ZMIZ1: variants seen among roughly 807,000 people sequenced by gnomAD.
The protein encoded by ZMIZ1 is zinc finger MIZ domain-containing protein 1.
A neutral mutation model predicts 113.9 loss-of-function variants in ZMIZ1; 17 were observed. The observed-to-expected ratio is 0.15, with a 90% CI of 0.10 to 0.22. The LOEUF (loss-of-function observed/expected upper bound fraction) is 0.22, where lower values mean the gene tolerates loss of function less well. Among genes scored for constraint, ZMIZ1 ranks in the 10% least tolerant of loss-of-function variants. ZMIZ1 has a pLI of 1.00. For missense variants in ZMIZ1, 1,059 were observed against 1,477.8 expected (o/e 0.72, Z 4.65); for synonymous variants, 607 against 603.1 (o/e 1.01, Z -0.09).
At position 79,118,647 on chromosome 10, in the gene ZMIZ1, A is replaced by G. The variant is rs1369889222; in HGVS notation, c.-336-268A>G. Among the ~76,000 whole-genome samples, 1 of 152,218 alleles carries G rather than the reference A, an allele frequency of 6.6e-6. No homozygotes were observed. Among genetic ancestry groups the G allele is most frequent in the Non-Finnish European group, 1.5e-5 (1 of 68,032 alleles). Reference sequence around the variant, plus strand: ...GGCTGACTGGAGCCTAGTGGTGGGCAGGCAGGTTTGGCTGCTGCTGTGGTC... The same window carrying G: ...GGCTGACTGGAGCCTAGTGGTGGGCGGGCAGGTTTGGCTGCTGCTGTGGTC... On this transcript the variant is annotated intron_variant, in intron 1 of 24. Coordinates refer to ENST00000334512, the MANE Select transcript of ZMIZ1 (RefSeq NM_020338.4). This position sits in a 1 kb window ranked among gnomAD's most constrained non-coding sequence, Gnocchi z 4.1.
At chr10:79,131,035 G>C (rs1435785552) in intron 2 of ZMIZ1, among the ~76,000 whole-genome samples, 2 of 152,206 alleles carry the variant, frequency 1.3e-5, no homozygotes. Flanking sequence ...GCCTGCCCTA[G>C]CCTTGCATTC....
In ZMIZ1 at chr10:79,250,792, C is replaced by T. The variant is rs116893379; in HGVS notation, c.281-26389C>T. 1.4e-3 allele frequency among the ~76,000 whole-genome samples: 210 copies of T among 152,238 alleles called. 3 individuals carry two copies. The East Asian group carries it at 0.037, about 27-fold the overall frequency. ...AGTCCAGCCTTGGCTTTCAGGTGCC[C>T]AAAGGGTGCCTGGAGAACCCCTCGC... On this transcript the variant is annotated intron_variant, in intron 7 of 24. Transcript: ENST00000334512.
At chr10:79,178,723 C>G (rs951633075) in intron 4 of ZMIZ1, among the ~76,000 whole-genome samples, 1 of 152,224 alleles carries the variant, frequency 6.6e-6, no homozygotes. Context: ...CCCTCCTGCT[C>G]TAATCTGTCA....
intron 4 of ZMIZ1, among the ~76,000 whole-genome samples, chr10:79,187,516 C>A (rs1309288793): frequency 6.6e-6 from 1 of 152,178 alleles, no homozygotes; most frequent in Admixed American, 6.5e-5. Context: ...ATGATGTATG[C>A]AAAGGGGCCT....
chr10:79,238,736 T>G (rs1459307481), intron 7 of ZMIZ1, among the ~76,000 whole-genome samples: 1 of 152,192 alleles, frequency 6.6e-6, no homozygotes, highest in Non-Finnish European at 1.5e-5. Context: ...GCCAAGTCAT[T>G]TAAACCCTTG....
chr10:79,239,072 T>A (rs1849706564), intron 7 of ZMIZ1, among the ~76,000 whole-genome samples: 2 of 151,874 alleles, frequency 1.3e-5, no homozygotes, highest in Non-Finnish European at 1.5e-5. Context: ...CCTGAGGAGG[T>A]TGACCAGGAT....
chr10:79,306,343 A>T lies in ZMIZ1; in HGVS notation c.2667A>T (p.Gln889His). The T allele has an allele frequency of 6.2e-7, 1 of 1,608,668 alleles. No homozygotes were observed. The highest frequency in any genetic ancestry group is 8.5e-7 in the Non-Finnish European group (1 of 1,179,760). Reference protein sequence around the residue: ...GGTNSNDYSSQGNNYQGHGNF... With the variant: ...GGTNSNDYSSHGNNYQGHGNF... ...CCAACTCCAACGACTACAGCAGCCAAGGTGGGTGATGCCAGGCAGGGAGGA... is the reference window on the plus strand; with the variant it reads ...CCAACTCCAACGACTACAGCAGCCATGGTGGGTGATGCCAGGCAGGGAGGA... The change falls in exon 22 of 25, where the codon CAA becomes CAT. Residue 889 changes from glutamine (Q) to histidine (H), a missense_variant and splice_region_variant. By Grantham distance (24) the Gln-to-His change is conservative. This residue lies in a region of ZMIZ1 where 225 missense variants were observed against 276.0 expected (regional missense o/e 0.82). Coordinates refer to ENST00000334512, the MANE Select transcript of ZMIZ1 (RefSeq NM_020338.4).
At chr10:79,071,137 G>A (rs917385198) in intron 1 of ZMIZ1, among the ~76,000 whole-genome samples, 1 of 152,202 alleles carries the variant, frequency 6.6e-6, no homozygotes, top group Non-Finnish European at 1.5e-5. Flanking sequence ...GGCAGTGGGC[G>A]GCCGCCTGTG....
At chr10:79,109,763 CT>C (rs1185388132) in intron 1 of ZMIZ1, among the ~76,000 whole-genome samples, 1 of 152,254 alleles carries the variant, frequency 6.6e-6, no homozygotes, top group Non-Finnish European at 1.5e-5. Flanking sequence ...TAGACAGCCC[CT>C]CTGCCTCTCC....
chr10:79,130,910 C>G (rs745891319), intron 2 of ZMIZ1, among the ~76,000 whole-genome samples: 8 of 152,152 alleles, frequency 5.3e-5, no homozygotes, highest in Non-Finnish European at 8.8e-5. Context: ...TGGGGCCCTC[C>G]CAGTTCTTTG....
At chr10:79,260,460 G>T (rs1315471673) in intron 7 of ZMIZ1, among the ~76,000 whole-genome samples, 1 of 152,200 alleles carries the variant, frequency 6.6e-6, no homozygotes, top group African/African-American at 2.4e-5. Context: ...GAATCACGTG[G>T]CTGTCCAGGA....
intron 3 of ZMIZ1, among the ~76,000 whole-genome samples, chr10:79,157,987 T>A (rs535330242): frequency 6.6e-6 from 1 of 152,246 alleles, no homozygotes; most frequent in East Asian, 1.9e-4. Context: ...AGGATCAGTG[T>A]AGCGGGAGCT....
chr10:79,237,749 G>T (rs1849650565), intron 7 of ZMIZ1, among the ~76,000 whole-genome samples: 1 of 152,180 alleles, frequency 6.6e-6, no homozygotes, highest in African/African-American at 2.4e-5. Context: ...AGGTTCTGGG[G>T]GTTAGGAGTT....
chr10:79,154,755 AAGCCC>A (rs1474326420), intron 3 of ZMIZ1, among the ~76,000 whole-genome samples: 7 of 152,102 alleles, frequency 4.6e-5, no homozygotes, highest in African/African-American at 1.7e-4. Context: ...TGGTTCTACG[AAGCCC>A]AGCTGTGGGG....
intron 19 of ZMIZ1, among the ~76,000 whole-genome samples, chr10:79,304,501 G>C (rs1287908395): frequency 6.6e-6 from 1 of 152,252 alleles, no homozygotes; most frequent in Non-Finnish European, 1.5e-5. Flanking sequence ...TCATGCCTCT[G>C]TCCAGGGCCT....
At chr10:79,162,509 C>T (rs1296677618) in intron 4 of ZMIZ1, among the ~76,000 whole-genome samples, 2 of 152,198 alleles carry the variant, frequency 1.3e-5, no homozygotes, top group African/African-American at 2.4e-5. Context: ...AGCATGTCGG[C>T]TGAAATGGGT....
At chr10:79,091,994 C>T (rs1463618941) in intron 1 of ZMIZ1, among the ~76,000 whole-genome samples, 1 of 152,078 alleles carries the variant, frequency 6.6e-6, no homozygotes, top group East Asian at 1.9e-4. Flanking sequence ...ACCAACCAGG[C>T]TCCCTGTACT....
chr10:79,277,063 C>A (rs1037886631), intron 7 of ZMIZ1, 118 bp from the exon 8 acceptor site: 3 of 1,319,068 alleles, frequency 2.3e-6, no homozygotes, highest in Admixed American at 2.9e-5. Context: ...TGGCGTCACA[C>A]GAATCTGGGA....
intron 3 of ZMIZ1, among the ~76,000 whole-genome samples, chr10:79,157,866 T>TG (rs1589353135): frequency 6.6e-6 from 1 of 152,056 alleles, no homozygotes; most frequent in African/African-American, 2.4e-5. Context: ...TGTGTGGCGG[T>TG]GGGGTTCTCC....
Sources: allele counts gnomAD v4.1 joint callset (sites outside exome capture counted in the v4.1 genomes callset), GRCh38; gene constraint gnomAD v4.1.1; regional missense constraint gnomAD v4.1.1; non-coding constraint Gnocchi (gnomAD v3.1); transcripts MANE v1.5; gene names NCBI Gene and HGNC (gene_info 2026-07-23, HGNC 2026-07-21).